FMN2: variants seen among roughly 807,000 people sequenced by gnomAD.
FMN2 encodes the protein formin 2.
Under a neutral mutation model 142.3 loss-of-function variants are expected in FMN2, and 51 were observed. That is an observed-to-expected ratio of 0.36 (90% CI 0.29 to 0.45). The LOEUF (loss-of-function observed/expected upper bound fraction) is 0.45. Among genes scored for constraint, FMN2 ranks in the 20% least tolerant of loss-of-function variants. FMN2 has a pLI of 1.00. For missense variants in FMN2, 1,936 were observed against 2,122.8 expected (o/e 0.91, Z 1.73); for synonymous variants, 882 against 869.8 (o/e 1.01, Z -0.25).
At chr1:240,136,407 G>A (rs1325761197) in intron 2 of FMN2, among the ~76,000 whole-genome samples, 1 of 152,148 alleles carries the variant, frequency 6.6e-6, no homozygotes. Flanking sequence ...GTTAATTGAA[G>A]CTTAGAAAAA....
intron 1 of FMN2, among the ~76,000 whole-genome samples, chr1:240,117,086 G>A (rs1429426969): frequency 2.0e-5 from 3 of 152,126 alleles, no homozygotes; most frequent in East Asian, 1.9e-4. Context: ...ATCTTGGCAC[G>A]CAATAAGGAA....
chr1:240,351,060 A>G (rs1443001436), intron 13 of FMN2, among the ~76,000 whole-genome samples: 1 of 152,220 alleles, frequency 6.6e-6, no homozygotes, highest in African/African-American at 2.4e-5. Context: ...GTCTCATAGG[A>G]GATGAGAGTA....
At chr1:240,280,542 A>G (rs1298789407) in intron 7 of FMN2, among the ~76,000 whole-genome samples, 1 of 152,160 alleles carries the variant, frequency 6.6e-6, no homozygotes, top group African/African-American at 2.4e-5. Flanking sequence ...TTAGGGTTCT[A>G]TTTCCAGGGG....
intron 14 of FMN2, among the ~76,000 whole-genome samples, chr1:240,390,402 C>T (rs1299195933): frequency 1.3e-5 from 2 of 152,206 alleles, no homozygotes; most frequent in Non-Finnish European, 2.9e-5. Context: ...GTTTTTGTTT[C>T]GGCCAAACTT....
At chr1:240,281,158 C>G (rs760872542) in intron 7 of FMN2, among the ~76,000 whole-genome samples, 11 of 152,084 alleles carry the variant, frequency 7.2e-5, no homozygotes, top group Non-Finnish European at 7.4e-5. Flanking sequence ...CTTGTATAAG[C>G]AAGTATGCTT....
At chr1:240,278,885 A>G (rs2102934765) in intron 7 of FMN2, among the ~76,000 whole-genome samples, 1 of 152,274 alleles carries the variant, frequency 6.6e-6, no homozygotes, top group South Asian at 2.1e-4. Context: ...GATTTTTGTA[A>G]TGATGGAATG....
At chr1:240,341,786 C>T (rs1414196493) in intron 13 of FMN2, among the ~76,000 whole-genome samples, 1 of 152,162 alleles carries the variant, frequency 6.6e-6, no homozygotes, top group Admixed American at 6.5e-5. Flanking sequence ...GAGCTCCTGC[C>T]CTGTGGGCAT....
At chr1:240,196,639 G>A (rs1388366315) in intron 4 of FMN2, among the ~76,000 whole-genome samples, 1 of 152,132 alleles carries the variant, frequency 6.6e-6, no homozygotes, top group Non-Finnish European at 1.5e-5. Context: ...AGCCTCCCTA[G>A]TAGCTGGGAT....
Position 240,145,393 on chromosome 1 carries a change from T to C in FMN2, c.1782+22048T>C, listed in dbSNP as rs951346692. Reference sequence around the variant, plus strand: ...CCTCCATCTCCGCTGCCACTGCCCTTTATTTTTTAATTTTCATGGATACAT... The same window carrying C: ...CCTCCATCTCCGCTGCCACTGCCCTCTATTTTTTAATTTTCATGGATACAT... On this transcript the variant is annotated intron_variant, in intron 2 of 17. Transcript: ENST00000319653. The C allele has an allele frequency of 1.7e-5, 9 of 517,926 alleles. No homozygotes were observed. In the Admixed American group the frequency reaches 3.1e-4, roughly 18 times the overall value. The allele number at this position is 517,926 out of a possible 1,614,324, so 32.1% of individuals were successfully genotyped here.
At chr1:240,296,975 A>G (rs1483817524) in intron 8 of FMN2, among the ~76,000 whole-genome samples, 1 of 152,156 alleles carries the variant, frequency 6.6e-6, no homozygotes, top group African/African-American at 2.4e-5. Flanking sequence ...AACCATTGGG[A>G]GGTACAGAGA....
intron 15 of FMN2, among the ~76,000 whole-genome samples, chr1:240,429,438 C>T (rs1483004182): frequency 6.6e-6 from 1 of 152,164 alleles, no homozygotes; most frequent in Non-Finnish European, 1.5e-5. Flanking sequence ...CTTTCTCTCT[C>T]TCTCTGTTTT....
At chr1:240,168,096 A>G (rs1330444586) in intron 2 of FMN2, among the ~76,000 whole-genome samples, 2 of 152,208 alleles carry the variant, frequency 1.3e-5, no homozygotes, top group Middle Eastern at 3.2e-3. Context: ...ATGCTGTGGT[A>G]TTATGATACT....
At chr1:240,328,654 A>G (rs1202846027) in intron 8 of FMN2, among the ~76,000 whole-genome samples, 1 of 151,854 alleles carries the variant, frequency 6.6e-6, no homozygotes, top group Non-Finnish European at 1.5e-5. Context: ...CAGTGGTGCA[A>G]TCTAGGCTCA....
rs537896927 is a variant in FMN2, at chr1:240,413,979, T to C, written c.4910+21417T>C. ...TGCCAGGAATATCTTACAAATATCG[T>C]TGGGCTAGTGAAACAGAGATTTATC... On this transcript the variant is annotated intron_variant, in intron 15 of 17. Coordinates refer to ENST00000319653, the MANE Select transcript of FMN2 (RefSeq NM_020066.5). Among the ~76,000 whole-genome samples, 15 of 152,344 alleles carry C rather than the reference T, an allele frequency of 9.8e-5. 1 individual carries two copies. In the East Asian group the frequency reaches 2.9e-3, roughly 29 times the overall value.
chr1:240,391,062 G>A (rs1401183502), intron 14 of FMN2, among the ~76,000 whole-genome samples: 1 of 152,058 alleles, frequency 6.6e-6, no homozygotes, highest in Non-Finnish European at 1.5e-5. Context: ...AGCAGATTTT[G>A]TATAAAACAA....
intron 5 of FMN2, among the ~76,000 whole-genome samples, chr1:240,209,240 C>A (rs1037520439): frequency 1.7e-4 from 23 of 133,210 alleles, no homozygotes; most frequent in African/African-American, 6.6e-4. Context: ...AAATCAAATT[C>A]TTAAATCCTT....
chr1:240,167,062 C>T (rs1468294969), intron 2 of FMN2, among the ~76,000 whole-genome samples: 3 of 152,162 alleles, frequency 2.0e-5, no homozygotes, highest in Non-Finnish European at 4.4e-5. Flanking sequence ...GCAGAAGTTG[C>T]AGTGAGCCAA....
At chr1:240,437,157 A>G (rs1054938206) in intron 15 of FMN2, among the ~76,000 whole-genome samples, 1 of 152,176 alleles carries the variant, frequency 6.6e-6, no homozygotes, top group African/African-American at 2.4e-5. Context: ...TAGCTGTAAT[A>G]TGAAGCAGCC....
chr1:240,224,218 T>C (rs7516816), intron 6 of FMN2, among the ~76,000 whole-genome samples: 6,684 of 152,314 alleles, frequency 0.044, 250 homozygotes, highest in Middle Eastern at 0.12. Flanking sequence ...AACTTATTTA[T>C]TTCTGGCTTG....
Sources: allele counts gnomAD v4.1 joint callset (sites outside exome capture counted in the v4.1 genomes callset), GRCh38; gene constraint gnomAD v4.1.1; transcripts MANE v1.5; gene names NCBI Gene and HGNC (gene_info 2026-07-23, HGNC 2026-07-21).